The following BTN2A1 variants were observed in gnomAD, a reference collection of about 807,000 sequenced individuals.
BTN2A1 encodes butyrophilin, subfamily 2, member A1.
Under a neutral mutation model 34.5 loss-of-function variants are expected in BTN2A1, and 41 were observed. That is an observed-to-expected ratio of 1.19 (90% CI 0.93 to 1.54). The LOEUF (loss-of-function observed/expected upper bound fraction) is 1.54, where lower values mean the gene tolerates loss of function less well. BTN2A1 is among the 40% of genes most tolerant of loss of function. BTN2A1 has a pLI of 0.00. For missense variants in BTN2A1, 642 were observed against 662.0 expected, an observed-to-expected ratio of 0.97 and a Z score of 0.33; for synonymous variants, 267 against 258.6, an observed-to-expected ratio of 1.03 and a Z score of -0.31.
In BTN2A1 at chr6:26,465,210, C is replaced by G. The variant is rs1041866832; in HGVS notation, c.738C>G (p.Pro246=). ...IPESFMPSVS[P]CAVALPIIVV... The stretch of plus-strand genomic sequence containing the variant: ...AATCCTTTATGCCCAGTGTGTCTCC[C>G]TGTGCAGTGGCCCTGCCTATCATTG... Residue 246 remains proline, a synonymous_variant, in exon 5 of 8, where the codon CCC becomes CCG. Coordinates refer to ENST00000312541, the MANE Select transcript of BTN2A1 (RefSeq NM_007049.5). The G allele has an allele frequency of 6.2e-7, 1 of 1,613,946 alleles. No individual in the cohort carries two copies. The highest frequency in any genetic ancestry group is 8.5e-7 in the Non-Finnish European group (1 of 1,179,936).
chr6:26,470,209 T>C (rs1763424043), downstream of BTN2A1, among the ~76,000 whole-genome samples: 1 of 152,142 alleles, frequency 6.6e-6, no homozygotes, highest in South Asian at 2.1e-4. Flanking sequence ...TAGCCAGGCA[T>C]GGTGGCGGGC....
chr6:26,468,025 C>A lies in BTN2A1; in HGVS notation c.1060C>A (p.Pro354Thr). ...GGACCGGAGAAGTGTGAGAAGGTGC[C>A]CCTTCAGGCACCTAGGGGAGAGCGT... is the stretch of plus-strand genomic sequence containing the variant. Reference protein sequence around the residue: ...SEDRRSVRRCPFRHLGESVPD... With the variant: ...SEDRRSVRRCTFRHLGESVPD... Residue 354 changes from proline to threonine, a missense_variant, in exon 8 of 8, where the codon CCC becomes ACC. Pro to Thr is a conservative substitution (Grantham distance 38). Transcript: ENST00000312541. 1 of 1,614,192 alleles carries A rather than the reference C, an allele frequency of 6.2e-7. No homozygotes were observed. Among genetic ancestry groups the A allele is most frequent in the Non-Finnish European group, 8.5e-7 (1 of 1,180,016 alleles).
chr6:26,469,119 C>G lies in BTN2A1; in HGVS notation c.*570C>G, dbSNP rs1481854667. 9.1e-7 allele frequency: 1 copy of G among 1,093,956 alleles called. No individual in the cohort carries two copies. The highest frequency in any genetic ancestry group is 1.1e-6 in the Non-Finnish European group (1 of 893,526). The allele number at this position is 1,093,956 out of a possible 1,614,324, so 67.8% of individuals were successfully genotyped here. On this transcript the variant is annotated 3_prime_UTR_variant, in exon 8 of 8. Transcript: ENST00000312541. ...GATGATGGCTCATTTCCACCCAGCC[C>G]CAGGATTTCCAGAGCGCACATCCAC...
In BTN2A1 at chr6:26,465,175, G is replaced by A. The variant is rs1763275022; in HGVS notation, c.713-10G>A. The A allele has an allele frequency of 6.2e-7, 1 of 1,611,136 alleles. No homozygotes were observed. Among genetic ancestry groups the A allele is most frequent in the South Asian group, 1.1e-5 (1 of 91,016 alleles). On this transcript the variant is annotated splice_polypyrimidine_tract_variant and intron_variant, in intron 4 of 7. Coordinates refer to ENST00000312541, the MANE Select transcript of BTN2A1 (RefSeq NM_007049.5). ...TCAAACTAAGTGGATATTTCTGGCT[G>A]CCTTTTCAGAATCCTTTATGCCCAG...
Position 26,463,535 on chromosome 6 carries a change from C to G in BTN2A1, c.712+10C>G, listed in dbSNP as rs779689829. The G allele has an allele frequency of 1.1e-5, 18 of 1,611,038 alleles. No homozygotes were observed. Among genetic ancestry groups the G allele is most frequent in the Non-Finnish European group, 1.5e-5 (18 of 1,177,854 alleles). ...GTCATTTTTATTCCAGGTTAGTTCT[C>G]TGCCCTCTGAGACTCGTCGAGTGCA... On this transcript the variant is annotated intron_variant, in intron 4 of 7. Transcript: ENST00000312541.
downstream of BTN2A1, among the ~76,000 whole-genome samples, chr6:26,472,890 T>A (rs965792836): frequency 2.6e-5 from 4 of 152,098 alleles, no homozygotes; most frequent in African/African-American, 9.7e-5. Flanking sequence ...CAGGCCTGTT[T>A]TATGGACTCA....
rs201679055 is a variant in BTN2A1, at chr6:26,468,213, T to C, written c.1248T>C (p.Ile416=). 6.2e-7 allele frequency: 1 copy of C among 1,614,202 alleles called. No individual in the cohort carries two copies. Among genetic ancestry groups the C allele is most frequent in the African/African-American group, 1.3e-5 (1 of 75,052 alleles). Residue 416 remains isoleucine (I), a synonymous_variant, in exon 8 of 8, where the codon ATT becomes ATC. Coordinates refer to ENST00000312541, the MANE Select transcript of BTN2A1 (RefSeq NM_007049.5). The stretch of plus-strand genomic sequence containing the variant: ...AGAGGAAAGGGGAGGTCCTGCTGAT[T>C]CCTCAGAATGGCTTCTGGACCTTGG... The part of the protein sequence containing the change: ...SVERKGEVLL[I]PQNGFWTLEM...
In BTN2A1 at chr6:26,468,481, G is replaced by T. The variant is rs1160857458; in HGVS notation, c.1516G>T (p.Ala506Ser). Residue 506 changes from alanine (A) to serine (S), a missense_variant, in exon 8 of 8, where the codon GCC becomes TCC. By Grantham distance (99) the Ala-to-Ser change is moderately conservative (BLOSUM62 1). Transcript: ENST00000312541. ...CTTCATCTGCCCTGCACTCACAGGA[G>T]CCAATGGGGTCACGGTGCCTGAAGA... ...PIFICPALTG[A>S]NGVTVPEEGL... is the part of the protein sequence containing the mutation. The T allele has an allele frequency of 1.2e-6, 2 of 1,614,174 alleles. No individual in the cohort carries two copies. Among genetic ancestry groups the T allele is most frequent in the Admixed American group, 3.3e-5 (2 of 60,022 alleles).
At position 26,466,042 on chromosome 6, in the gene BTN2A1, T is replaced by TAAC. The variant is rs1561872310; in HGVS notation, c.956-20_956-19insAAC. ...GCTCAGCAACATCTCATGACATTCGTCTCTGTCTGTCCCTTGCAGGATGGA... is the reference window on the plus strand; with the variant it reads ...GCTCAGCAACATCTCATGACATTCGTAACCTCTGTCTGTCCCTTGCAGGATGGA... On this transcript the variant is annotated intron_variant, in intron 6 of 7. Coordinates refer to ENST00000312541, the MANE Select transcript of BTN2A1 (RefSeq NM_007049.5). 1 of 1,614,078 alleles carries TAAC rather than the reference T, an allele frequency of 6.2e-7. No individual in the cohort carries two copies. The highest frequency in any genetic ancestry group is 8.5e-7 in the Non-Finnish European group (1 of 1,180,042).
intron 2 of BTN2A1, 59 bp downstream of exon 2, chr6:26,458,777 T>C (rs2113853100): frequency 2.5e-6 from 4 of 1,583,038 alleles, no homozygotes; most frequent in South Asian, 1.1e-5. Context: ...AACCCTGTAG[T>C]CTGCAAAGGG....
chr6:26,469,894 A>C (rs545375095), downstream of BTN2A1, among the ~76,000 whole-genome samples: 2 of 152,090 alleles, frequency 1.3e-5, no homozygotes, highest in South Asian at 2.1e-4. Flanking sequence ...AACAAACAAA[A>C]AAAATTAGGT....
chr6:26,458,304 G>T (rs949218971), intron 1 of BTN2A1, among the ~76,000 whole-genome samples, 162 bp downstream of exon 1: 1 of 152,130 alleles, frequency 6.6e-6, no homozygotes, highest in African/African-American at 2.4e-5. Context: ...GGCCTGGGTC[G>T]CGGGGAGGAG....
rs561166376 is a variant in BTN2A1 at position 26,458,499 on chromosome 6, C to A, written c.-30-108C>A. 1.2e-5 allele frequency: 10 copies of A among 845,780 alleles called. No individual in the cohort carries two copies. In the South Asian group the frequency reaches 1.5e-4, roughly 12 times the overall value. The allele number at this position is 845,780 out of a possible 1,614,324, so 52.4% of individuals were successfully genotyped here. The stretch of plus-strand genomic sequence containing the variant: ...CCTGAGCCTTCGGATGCAGGGGACT[C>A]CCTGAAGTTGGGGCACTGATGAGAC... On this transcript the variant is annotated intron_variant, in intron 1 of 7. Coordinates refer to ENST00000312541, the MANE Select transcript of BTN2A1 (RefSeq NM_007049.5).
rs1339566373 is a variant in BTN2A1 at position 26,469,079 on chromosome 6, T to C, written c.*530T>C. 9.0e-7 allele frequency: 1 copy of C among 1,116,970 alleles called. No individual in the cohort carries two copies. The highest frequency in any genetic ancestry group is 1.6e-5 in the African/African-American group (1 of 61,450). 69.2% of individuals were successfully genotyped at this position (1,116,970 alleles called of 1,614,324 possible). On this transcript the variant is annotated 3_prime_UTR_variant, in exon 8 of 8. Coordinates refer to ENST00000312541, the MANE Select transcript of BTN2A1 (RefSeq NM_007049.5). Reference sequence around the variant, plus strand: ...GGTGGCTAAGTCCCACCATAACAGCTAAGGGGACCTGGGAGATGATGGCTC... The same window carrying C: ...GGTGGCTAAGTCCCACCATAACAGCCAAGGGGACCTGGGAGATGATGGCTC...
At chr6:26,462,476 G>A (rs1016326850) in intron 3 of BTN2A1, among the ~76,000 whole-genome samples, 2 of 152,236 alleles carry the variant, frequency 1.3e-5, no homozygotes, top group Non-Finnish European at 2.9e-5. Context: ...GAGCCCAGGA[G>A]TACAAGGCAC....
At chr6:26,460,305 C>T (rs1411199582) in intron 3 of BTN2A1, among the ~76,000 whole-genome samples, 1 of 152,128 alleles carries the variant, frequency 6.6e-6, no homozygotes, top group Non-Finnish European at 1.5e-5. Flanking sequence ...AAACTGATTA[C>T]CCAGAGAACT....
At chr6:26,462,841 G>A in intron 3 of BTN2A1, 1 of 1,282,228 alleles carries the variant, frequency 7.8e-7, no homozygotes, top group Non-Finnish European at 1.0e-6. Flanking sequence ...CCCAGAAGCA[G>A]AAAGTGAAAT....
chr6:26,472,291 G>A (rs1285552109), downstream of BTN2A1, among the ~76,000 whole-genome samples: 2 of 152,112 alleles, frequency 1.3e-5, no homozygotes, highest in African/African-American at 4.8e-5. Flanking sequence ...CCACCCTCAA[G>A]CAATTGGCTC....
chr6:26,474,939 G>A (rs910070745), intron 7 of BTN2A1, among the ~76,000 whole-genome samples: 1 of 151,898 alleles, frequency 6.6e-6, no homozygotes, highest in Non-Finnish European at 1.5e-5. Context: ...TAATAGAGAC[G>A]GGGTTTCACC....
Sources: allele counts gnomAD v4.1 joint callset (sites outside exome capture counted in the v4.1 genomes callset), GRCh38; gene constraint gnomAD v4.1.1; transcripts MANE v1.5; gene names NCBI Gene and HGNC (gene_info 2026-07-23, HGNC 2026-07-21).